The following ANKRD30BL variants were observed in gnomAD, a reference collection of about 807,000 sequenced individuals.
ANKRD30BL encodes the protein putative ankyrin repeat domain-containing protein 30B-like.
In ANKRD30BL, 20 loss-of-function variants were observed where a neutral mutation model predicts 18.4. The ratio of observed to expected loss-of-function variants is 1.09; its 90% CI spans 0.77 to 1.58. The LOEUF (loss-of-function observed/expected upper bound fraction) is 1.58. ANKRD30BL is among the 40% of genes most tolerant of loss of function. The pLI, the probability that ANKRD30BL is intolerant of heterozygous loss-of-function variation, is 0.00. For missense variants in ANKRD30BL, 224 were observed against 268.6 expected (o/e 0.83, Z 1.16); for synonymous variants, 72 against 100.9 (o/e 0.71, Z 1.72).
At chr2:132,191,360 G>A (rs1678845742) in intron 1 of ANKRD30BL, among the ~76,000 whole-genome samples, 1 of 152,150 alleles carries the variant, frequency 6.6e-6, no homozygotes, top group African/African-American at 2.4e-5. Flanking sequence ...TACAAGTAAA[G>A]CTGCTATGTT....
chr2:132,158,105 C>T (rs1687960991), intron 1 of ANKRD30BL, among the ~76,000 whole-genome samples: 1 of 152,104 alleles, frequency 6.6e-6, no homozygotes, highest in African/African-American at 2.4e-5. Flanking sequence ...TTCACCGTGC[C>T]TTCCATGAAG....
intron 1 of ANKRD30BL, among the ~76,000 whole-genome samples, chr2:132,176,333 G>A (rs1174882896): frequency 6.6e-6 from 1 of 152,066 alleles, no homozygotes; most frequent in African/African-American, 2.4e-5. Context: ...TTCAAGACCA[G>A]CCTGATCAAC....
At chr2:132,152,215 G>A (rs1045965351) in intron 4 of ANKRD30BL, 3 of 152,206 alleles carry the variant, frequency 2.0e-5, no homozygotes, top group Non-Finnish European at 1.5e-5. Context: ...TAGTTAGAAA[G>A]TAGTAAAATG....
intron 1 of ANKRD30BL, among the ~76,000 whole-genome samples, chr2:132,229,743 A>C (rs1679954658): frequency 6.6e-6 from 1 of 152,100 alleles, no homozygotes; most frequent in African/African-American, 2.4e-5. Context: ...TAGAAACTGC[A>C]AGTGGACATT....
upstream of ANKRD30BL, among the ~76,000 whole-genome samples, chr2:132,166,046 C>T (rs1372229435): frequency 1.3e-5 from 2 of 151,980 alleles, no homozygotes; most frequent in Non-Finnish European, 2.9e-5. Flanking sequence ...TAGATTTTGC[C>T]ATAAGCTTTT....
At chr2:132,209,840 T>C (rs1437314045) in intron 1 of ANKRD30BL, among the ~76,000 whole-genome samples, 1 of 151,452 alleles carries the variant, frequency 6.6e-6, no homozygotes, top group Non-Finnish European at 1.5e-5. Context: ...AGGCCTATTG[T>C]AGAAAAGGAA....
chr2:132,185,178 A>G (rs1018099254), intron 1 of ANKRD30BL, among the ~76,000 whole-genome samples: 1 of 152,170 alleles, frequency 6.6e-6, no homozygotes, highest in African/African-American at 2.4e-5. Context: ...CCTTCTCAAA[A>G]CATGAGATCA....
intron 1 of ANKRD30BL, among the ~76,000 whole-genome samples, chr2:132,203,864 C>T (rs552886175): frequency 1.3e-5 from 2 of 152,170 alleles, no homozygotes; most frequent in East Asian, 3.9e-4. Context: ...AAATGATGAG[C>T]ATTTTTCTCT....
rs1210290414 is a variant in ANKRD30BL, at chr2:132,205,129, C to T, written n.442-47983G>A. On this transcript the variant is annotated intron_variant and non_coding_transcript_variant, in intron 1 of 4. Transcript: ENST00000470729. ...ATCATTTACTGGAGTCTTTTACATA[C>T]ACATTCTGAAGTATAAGGTATGCAG... 1.3e-5 allele frequency among the ~76,000 whole-genome samples: 2 copies of T among 152,100 alleles called. 1 individual carries two copies. The highest frequency in any genetic ancestry group is 4.8e-5 in the African/African-American group (2 of 41,400).
intron 1 of ANKRD30BL, among the ~76,000 whole-genome samples, chr2:132,189,398 T>A (rs1401426814): frequency 6.6e-6 from 1 of 152,056 alleles, no homozygotes; most frequent in African/African-American, 2.4e-5. Flanking sequence ...TTTTAAAATA[T>A]CTCCTAGAAT....
At chr2:132,238,018 A>C (rs977181714) in intron 1 of ANKRD30BL, among the ~76,000 whole-genome samples, 2 of 152,042 alleles carry the variant, frequency 1.3e-5, no homozygotes, top group African/African-American at 4.8e-5. Flanking sequence ...CTTGCATTCA[A>C]ATCACAGATT....
At position 132,194,032 on chromosome 2, in the gene ANKRD30BL, T is replaced by TTCTC. The variant is rs764528052; in HGVS notation, n.442-36890_442-36887dup. Among the ~76,000 whole-genome samples the TTCTC allele has an allele frequency of 5.5e-3, 763 of 137,924 alleles. 4 individuals are homozygous for TTCTC. The highest frequency in any genetic ancestry group is 0.019 in the African/African-American group (715 of 38,542). The allele number at this position is 137,924 out of a possible 152,430, so 90.5% of individuals were successfully genotyped here. ...TTTCTACAAAAGAAGCAGAGATAAT[T>TTCTC]TCTCTCTCTCTCTCTCTCTCTCTCA... is the stretch of plus-strand genomic sequence containing the variant. On this transcript the variant is annotated intron_variant and non_coding_transcript_variant, in intron 1 of 4. Transcript: ENST00000470729.
At chr2:132,209,014 T>A (rs1320961602) in intron 1 of ANKRD30BL, among the ~76,000 whole-genome samples, 1 of 152,152 alleles carries the variant, frequency 6.6e-6, no homozygotes, top group Non-Finnish European at 1.5e-5. Flanking sequence ...TATCTTCACA[T>A]CAAAACCAGA....
At chr2:132,244,788 C>T (rs1280751218) in intron 1 of ANKRD30BL, among the ~76,000 whole-genome samples, 1 of 152,292 alleles carries the variant, frequency 6.6e-6, no homozygotes, top group Non-Finnish European at 1.5e-5. Context: ...GAAGCATTCT[C>T]AGAAACTTCT....
chr2:132,163,610 C>G (rs1452560608), upstream of ANKRD30BL, among the ~76,000 whole-genome samples: 1 of 152,190 alleles, frequency 6.6e-6, no homozygotes, highest in African/African-American at 2.4e-5. Context: ...ACACATCTAG[C>G]TTGAAGAATT....
At chr2:132,255,582 C>A (rs1680808284) in intron 1 of ANKRD30BL, among the ~76,000 whole-genome samples, 2 of 152,136 alleles carry the variant, frequency 1.3e-5, no homozygotes, top group African/African-American at 4.8e-5. Flanking sequence ...CGGCTGCTGG[C>A]ACCAGACTTG....
At chr2:132,161,152 C>CCTGT (rs1688046225) in intron 1 of ANKRD30BL, among the ~76,000 whole-genome samples, 1 of 147,650 alleles carries the variant, frequency 6.8e-6, no homozygotes, top group South Asian at 2.2e-4. Context: ...AAAGTAAAAC[C>CCTGT]CTGTATGTAC....
chr2:132,238,958 T>A (rs1397208100), intron 1 of ANKRD30BL, among the ~76,000 whole-genome samples: 1 of 152,078 alleles, frequency 6.6e-6, no homozygotes, highest in Non-Finnish European at 1.5e-5. Flanking sequence ...AGGAAATATC[T>A]TCACATAAAC....
At chr2:132,188,217 T>C (rs912928513) in intron 1 of ANKRD30BL, among the ~76,000 whole-genome samples, 2 of 152,170 alleles carry the variant, frequency 1.3e-5, no homozygotes, top group African/African-American at 4.8e-5. Context: ...GCAAATGGCT[T>C]TGCATTTTGC....
Sources: allele counts gnomAD v4.1 joint callset (sites outside exome capture counted in the v4.1 genomes callset), GRCh38; gene constraint gnomAD v4.1.1; transcripts MANE v1.5; gene names NCBI Gene and HGNC (gene_info 2026-07-23, HGNC 2026-07-21).